Variants in PCGF6 observed in about 807,000 individuals in gnomAD.
The protein encoded by PCGF6 is polycomb group RING finger protein 6.
In PCGF6, 24 loss-of-function variants were observed where a neutral mutation model predicts 45.5. The ratio of observed to expected loss-of-function variants is 0.53; its 90% CI spans 0.38 to 0.74. The LOEUF (loss-of-function observed/expected upper bound fraction) is 0.74, where lower values mean the gene tolerates loss of function less well. PCGF6 is among the 30% of genes least tolerant of loss of function. The probability of loss-of-function intolerance (pLI) is 0.00; values close to 1 mark genes in which losing one functional copy is unlikely to be tolerated. For synonymous variants in PCGF6, 152 were observed against 162.1 expected (o/e 0.94, Z 0.47); for missense variants, 356 against 443.2 (o/e 0.80, Z 1.77).
chr10:103,327,902 C>T (rs1009179125), intron 7 of PCGF6, among the ~76,000 whole-genome samples: 1 of 151,108 alleles, frequency 6.6e-6, no homozygotes, highest in Non-Finnish European at 1.5e-5. Context: ...GTCTCAATCT[C>T]CTGACCTCGT....
At position 103,350,774 on chromosome 10, in the gene PCGF6, T is replaced by C. The variant is rs2093318029; in HGVS notation, c.293A>G (p.Glu98Gly). ...CAACGAGAAGTGACTCATGTCCTCC[T>C]CCTCCTCCTCTTCTTCCTCCTCCAG... ...EELEEEEEEE[E>G]EDMSHFSLRL... The change falls in exon 1 of 10, where the codon GAG (glutamate) becomes GGG (glycine). Residue 98 changes from glutamate (E) to glycine (G), a missense_variant. Transcript: ENST00000369847. 2 of 1,565,614 alleles carry C rather than the reference T, an allele frequency of 1.3e-6. No homozygotes were observed. The highest frequency in any genetic ancestry group is 1.7e-6 in the Non-Finnish European group (2 of 1,156,212).
chr10:103,326,464 G>T, intron 8 of PCGF6, 70 bp downstream of exon 8: 2 of 846,358 alleles, frequency 2.4e-6, no homozygotes, highest in South Asian at 2.2e-5. Flanking sequence ...AAATCCTACA[G>T]AGTTCTTTCT....
At chr10:103,343,644 C>T (rs1012305880) in intron 6 of PCGF6, among the ~76,000 whole-genome samples, 3 of 151,768 alleles carry the variant, frequency 2.0e-5, no homozygotes, top group African/African-American at 7.3e-5. Context: ...ACCAGCTTGG[C>T]CAACATGGCA....
intron 6 of PCGF6, among the ~76,000 whole-genome samples, chr10:103,335,953 G>A (rs747164074): frequency 7.3e-5 from 11 of 149,992 alleles, no homozygotes; most frequent in Admixed American, 2.0e-4. Flanking sequence ...GTGACAGTGC[G>A]AGACTCCATC....
At chr10:103,338,284 C>G (rs1183235011) in intron 6 of PCGF6, among the ~76,000 whole-genome samples, 2 of 151,594 alleles carry the variant, frequency 1.3e-5, no homozygotes, top group Non-Finnish European at 2.9e-5. Context: ...TGGCTCATGC[C>G]TCTAATCCCA....
rs963945286 is a variant in PCGF6, at chr10:103,345,194, G to A, written c.674-62C>T. 7.9e-6 allele frequency: 9 copies of A among 1,133,602 alleles called. No homozygotes were observed. The African/African-American group carries it at 1.3e-4, about 16-fold the overall frequency. 70.2% of individuals were successfully genotyped at this position (1,133,602 alleles called of 1,614,324 possible). On this transcript the variant is annotated intron_variant, in intron 5 of 9. Transcript: ENST00000369847. ...AAAAATGCCATAAATTGAGATCTTT[G>A]GAAAAATACACAAGTATTATAATTA...
At chr10:103,335,370 T>C (rs2133584869) in intron 6 of PCGF6, among the ~76,000 whole-genome samples, 1 of 151,634 alleles carries the variant, frequency 6.6e-6, no homozygotes, top group South Asian at 2.1e-4. Context: ...GCACTCATTT[T>C]TTTTTTTTTT....
intron 7 of PCGF6, among the ~76,000 whole-genome samples, chr10:103,327,983 CTTT>C (rs759856769): frequency 1.3e-5 from 2 of 151,678 alleles, no homozygotes; most frequent in Non-Finnish European, 2.9e-5. Context: ...CCAGGGATTT[CTTT>C]TTTAAGTGAA....
intron 7 of PCGF6, among the ~76,000 whole-genome samples, chr10:103,329,810 G>A (rs374870135): frequency 2.8e-5 from 4 of 143,228 alleles, no homozygotes; most frequent in Non-Finnish European, 4.5e-5. Flanking sequence ...AGACAGTCTC[G>A]CTCTGTCGCC....
intron 6 of PCGF6, among the ~76,000 whole-genome samples, chr10:103,344,476 G>C (rs2093292260): frequency 6.6e-6 from 1 of 151,688 alleles, no homozygotes; most frequent in African/African-American, 2.4e-5. Flanking sequence ...CACCATGTTG[G>C]TCAGGCTGGT....
At chr10:103,333,632 T>C (rs963034196) in intron 7 of PCGF6, among the ~76,000 whole-genome samples, 1 of 152,206 alleles carries the variant, frequency 6.6e-6, no homozygotes, top group African/African-American at 2.4e-5. Flanking sequence ...TTTAAGCTCA[T>C]ATTTAATTCT....
rs546254868 is a variant in PCGF6 at position 103,330,736 on chromosome 10, T to C, written c.810+3189A>G. ...TGAGGTCAGAAGTTCAAGACCAGCC[T>C]GGCTAACACGGTGAAACCCCGTTTC... On this transcript the variant is annotated intron_variant, in intron 7 of 9. Transcript: ENST00000369847. Among the ~76,000 whole-genome samples, 221 of 152,274 alleles carry C rather than the reference T, an allele frequency of 1.5e-3. 1 individual carries two copies. Among genetic ancestry groups the C allele is most frequent in the African/African-American group, 5.1e-3 (214 of 41,576 alleles).
In PCGF6 at chr10:103,310,734, C is replaced by T. The variant is rs146526515; in HGVS notation, c.996+3452G>A. Among the ~76,000 whole-genome samples the T allele has an allele frequency of 6.4e-4, 98 of 152,126 alleles. 2 individuals carry two copies. In the East Asian group the frequency reaches 0.014, roughly 21 times the overall value. On this transcript the variant is annotated intron_variant, in intron 9 of 9. Coordinates refer to ENST00000369847, the MANE Select transcript of PCGF6 (RefSeq NM_001011663.2). ...TCTCTTTTTTTGAAAAAGGGTCTTA[C>T]TCTGTCGCCCAGGCTGGAGTGCAGT...
chr10:103,340,869 C>T (rs1303174894), intron 6 of PCGF6, among the ~76,000 whole-genome samples: 2 of 152,124 alleles, frequency 1.3e-5, no homozygotes, highest in Admixed American at 1.3e-4. Flanking sequence ...TTCCAAAGTG[C>T]TAGGATTACA....
intron 6 of PCGF6, among the ~76,000 whole-genome samples, chr10:103,340,110 G>A (rs1325472248): frequency 1.4e-5 from 2 of 144,158 alleles, no homozygotes; most frequent in Admixed American, 7.1e-5. Flanking sequence ...CCAGGAGGCA[G>A]AGGCTGCAGT....
intron 6 of PCGF6, among the ~76,000 whole-genome samples, chr10:103,342,321 CCTCCCAGGTTCAAGTAATT>C (rs1305917158): frequency 1.3e-5 from 2 of 151,868 alleles, no homozygotes; most frequent in African/African-American, 4.8e-5. Context: ...GCAACCTCCA[CCTCCCAGGTTCAAGTAATT>C]CTCCCGCCTC....
intron 8 of PCGF6, among the ~76,000 whole-genome samples, chr10:103,315,500 C>A (rs541528780): frequency 8.5e-5 from 13 of 152,170 alleles, no homozygotes; most frequent in Non-Finnish European, 1.3e-4. Context: ...GCTGGAACTA[C>A]AGGCACCCAC....
chr10:103,351,035 C>T lies in PCGF6; in HGVS notation c.32G>A (p.Ser11Asn). MEGVAVVTAGSVGAAKTEGAA... is the reference protein window; with the variant it reads MEGVAVVTAGNVGAAKTEGAA... ...TCCCTCGGTTTTGGCAGCGCCTACG[C>T]TGCCCGCCGTCACCACCGCGACCCC... The change falls in exon 1 of 10, where the codon AGC (serine) becomes AAC (asparagine). Residue 11 changes from serine (S) to asparagine (N), a missense_variant. Coordinates refer to ENST00000369847, the MANE Select transcript of PCGF6 (RefSeq NM_001011663.2). The T allele has an allele frequency of 7.2e-7, 1 of 1,395,122 alleles. No individual in the cohort carries two copies. The highest frequency in any genetic ancestry group is 9.3e-7 in the Non-Finnish European group (1 of 1,074,500). The allele number at this position is 1,395,122 out of a possible 1,614,324, so 86.4% of individuals were successfully genotyped here. A position where few individuals can be genotyped will look rare whatever the true frequency, so the allele number is the denominator to read the frequency against.
chr10:103,338,783 G>A (rs1025686958), intron 6 of PCGF6, among the ~76,000 whole-genome samples: 3 of 151,742 alleles, frequency 2.0e-5, no homozygotes, highest in Admixed American at 1.3e-4. Context: ...CAGGAGAATC[G>A]CTTGAACCCT....
Sources: gnomAD v4.1 joint callset for allele counts (sites outside exome capture counted in the v4.1 genomes callset) on GRCh38, gnomAD v4.1.1 for gene constraint, MANE v1.5 for transcripts, NCBI Gene and HGNC (gene_info 2026-07-23, HGNC 2026-07-21) for gene names.